C1orf94: variants seen among roughly 807,000 people sequenced by gnomAD.
C1orf94 encodes the protein chromosome 1 open reading frame 94.
A neutral mutation model predicts 53.6 loss-of-function variants in C1orf94; 45 were observed. That is an observed-to-expected ratio of 0.84 (90% CI 0.66 to 1.08). C1orf94 has a LOEUF of 1.08. Ranked by LOEUF, C1orf94 falls within the 50% of genes least tolerant of loss-of-function variation. C1orf94 has a pLI of 0.00. For synonymous variants in C1orf94, 304 were observed against 296.1 expected, an observed-to-expected ratio of 1.03 and a Z score of -0.27; for missense variants, 762 against 738.9, an observed-to-expected ratio of 1.03 and a Z score of -0.36.
intron 1 of C1orf94, among the ~76,000 whole-genome samples, chr1:34,185,620 G>A (rs1642373599): frequency 6.6e-6 from 1 of 152,164 alleles, no homozygotes; most frequent in African/African-American, 2.4e-5. Flanking sequence ...ACACGTCCTG[G>A]CAGTCCCCCT....
chr1:34,175,590 A>G (rs1284212902), upstream of C1orf94, among the ~76,000 whole-genome samples: 1 of 152,138 alleles, frequency 6.6e-6, no homozygotes, highest in Non-Finnish European at 1.5e-5. Context: ...TTTAGAGTAA[A>G]CATTTCCAGG....
intron 1 of C1orf94, among the ~76,000 whole-genome samples, chr1:34,193,393 G>A (rs1642530154): frequency 1.3e-5 from 2 of 152,194 alleles, no homozygotes; most frequent in Admixed American, 1.3e-4. Flanking sequence ...GTCAGGGACA[G>A]CTAATGCCAC....
Position 34,208,148 on chromosome 1 carries a change from T to C in C1orf94, c.1447-9T>C. On this transcript the variant is annotated splice_polypyrimidine_tract_variant and intron_variant, in intron 4 of 6. Coordinates refer to ENST00000488417, the MANE Select transcript of C1orf94 (RefSeq NM_001134734.2). Reference sequence around the variant, plus strand: ...TGCCTGGCCATACTGAGCCTCTGTTTCTCCCCAGGGCCTGTACCCACAGCA... The same window carrying C: ...TGCCTGGCCATACTGAGCCTCTGTTCCTCCCCAGGGCCTGTACCCACAGCA... 1 of 1,613,856 alleles carries C rather than the reference T, an allele frequency of 6.2e-7. No homozygotes were observed. The highest frequency in any genetic ancestry group is 1.1e-5 in the South Asian group (1 of 91,002).
Position 34,197,440 on chromosome 1 carries a change from T to C in C1orf94, c.536T>C (p.Ile179Thr). Residue 179 changes from isoleucine (I) to threonine (T), a missense_variant, in exon 2 of 7, where the codon ATT becomes ACT. Transcript: ENST00000488417. This position sits in a 1 kb window ranked among gnomAD's most constrained non-coding sequence, Gnocchi z 4.1. ...GSNERPRASI[I>T]VGDKLLKQKV... ...AATGAGCGCCCCAGAGCCTCCATCATTGTCGGAGACAAGCTTCTGAAGCAG... is the reference window on the plus strand; with the variant it reads ...AATGAGCGCCCCAGAGCCTCCATCACTGTCGGAGACAAGCTTCTGAAGCAG... 3 of 1,613,984 alleles carry C rather than the reference T, an allele frequency of 1.9e-6. No homozygotes were observed. Among genetic ancestry groups the C allele is most frequent in the Non-Finnish European group, 8.5e-7 (1 of 1,179,906 alleles).
At chr1:34,196,766 C>A (rs139831277) in intron 1 of C1orf94, among the ~76,000 whole-genome samples, 1 of 152,290 alleles carries the variant, frequency 6.6e-6, no homozygotes. Flanking sequence ...GGGGGCTGCG[C>A]TACTCTCCTG....
rs149179492 is a variant in C1orf94 at position 34,209,340 on chromosome 1, A to G, written c.1524+1106A>G. On this transcript the variant is annotated intron_variant, in intron 5 of 6. Coordinates refer to ENST00000488417, the MANE Select transcript of C1orf94 (RefSeq NM_001134734.2). Reference sequence around the variant, plus strand: ...CACACATGCAGACAGAAACACAGGTATAGTTGTACACATGCCACCAAGCTG... The same window carrying G: ...CACACATGCAGACAGAAACACAGGTGTAGTTGTACACATGCCACCAAGCTG... Among the ~76,000 whole-genome samples, 773 of 151,052 alleles carry G rather than the reference A, an allele frequency of 5.1e-3. 4 individuals carry two copies. Among genetic ancestry groups the G allele is most frequent in the African/African-American group, 0.018 (732 of 41,172 alleles).
intron 1 of C1orf94, among the ~76,000 whole-genome samples, chr1:34,188,739 G>T (rs1474130193): frequency 6.6e-6 from 1 of 152,156 alleles, no homozygotes; most frequent in Admixed American, 6.5e-5. Flanking sequence ...AGGAGGGCTG[G>T]GGGTGGGGAG....
At chr1:34,185,141 A>G (rs1642366625) in intron 1 of C1orf94, among the ~76,000 whole-genome samples, 1 of 151,956 alleles carries the variant, frequency 6.6e-6, no homozygotes, top group South Asian at 2.1e-4. Context: ...CCAACCCTTA[A>G]GCAAGTGTCT....
intron 1 of C1orf94, among the ~76,000 whole-genome samples, chr1:34,180,534 T>C (rs919374877): frequency 6.6e-6 from 1 of 152,248 alleles, no homozygotes; most frequent in African/African-American, 2.4e-5. Context: ...CCCAAGCTCC[T>C]ACAGTTAGGA....
chr1:34,174,278 G>A (rs1642188815), upstream of C1orf94, among the ~76,000 whole-genome samples: 1 of 152,222 alleles, frequency 6.6e-6, no homozygotes, highest in African/African-American at 2.4e-5. Flanking sequence ...TAATCAACAA[G>A]CAAACAACTG....
At chr1:34,193,103 A>G (rs1642520112) in intron 1 of C1orf94, among the ~76,000 whole-genome samples, 1 of 152,154 alleles carries the variant, frequency 6.6e-6, no homozygotes, top group African/African-American at 2.4e-5. Context: ...GCGTGGTGGA[A>G]GGAGACCCTG....
intron 6 of C1orf94, 50 bp from the exon 7 acceptor site, chr1:34,218,636 C>A: frequency 7.0e-7 from 1 of 1,428,670 alleles, no homozygotes. Context: ...CTAATTCTCT[C>A]CGATAACATT....
chr1:34,175,190 A>ATTTTT (rs10608833), upstream of C1orf94, among the ~76,000 whole-genome samples: 1 of 133,210 alleles, frequency 7.5e-6, no homozygotes, highest in South Asian at 2.5e-4. Context: ...GCTGTATTTG[A>ATTTTT]TTTTTTTTTT....
chr1:34,177,182 C>T lies in C1orf94; in HGVS notation c.-608C>T, dbSNP rs1642240579. 6.6e-6 allele frequency among the ~76,000 whole-genome samples: 1 copy of T among 151,996 alleles called. No individual in the cohort carries two copies. Among genetic ancestry groups the T allele is most frequent in the Admixed American group, 6.6e-5 (1 of 15,256 alleles). On this transcript the variant is annotated 5_prime_UTR_variant, in exon 1 of 7. Transcript: ENST00000488417. The stretch of plus-strand genomic sequence containing the variant: ...CTTTCCGGGGGCAGCAGAGCAGCAG[C>T]GGGAGACCGGGAGCAGGAGGGGTAG...
rs74063753 is a variant in C1orf94, at chr1:34,192,283, A to G, written c.321-4942A>G. Among the ~76,000 whole-genome samples, 415 of 152,316 alleles carry G rather than the reference A, an allele frequency of 2.7e-3. 2 individuals carry two copies. Among genetic ancestry groups the G allele is most frequent in the Middle Eastern group, 0.01 (3 of 294 alleles). ...GCCCCAAGGTGATTACTCAAGGTCA[A>G]TGCGGGTTCTGTGTGGGGTCTGCCA... is the stretch of plus-strand genomic sequence containing the variant. On this transcript the variant is annotated intron_variant, in intron 1 of 6. Transcript: ENST00000488417.
At chr1:34,179,124 AAGAAAAGCAAAG>A in intron 1 of C1orf94, among the ~76,000 whole-genome samples, 1 of 151,556 alleles carries the variant, frequency 6.6e-6, no homozygotes, top group East Asian at 1.9e-4. Context: ...AAGAGCTAAG[AAGAAAAGCAAAG>A]TGTAAATGAC....
rs1171771048 is a variant in C1orf94, at chr1:34,215,625, T to C, written c.1722-3061T>C. Among the ~76,000 whole-genome samples the C allele has an allele frequency of 2.6e-5, 4 of 152,160 alleles. No homozygotes were observed. In the East Asian group the frequency reaches 7.7e-4, roughly 29 times the overall value. ...TAGAATTGGTGGGACGTGATGATGGTTGAATGTGTGATGAGGGAAAGGGAA... is the reference window on the plus strand; with the variant it reads ...TAGAATTGGTGGGACGTGATGATGGCTGAATGTGTGATGAGGGAAAGGGAA... On this transcript the variant is annotated intron_variant, in intron 6 of 6. Coordinates refer to ENST00000488417, the MANE Select transcript of C1orf94 (RefSeq NM_001134734.2).
chr1:34,211,172 G>A (rs995626923), intron 5 of C1orf94, among the ~76,000 whole-genome samples: 1 of 152,170 alleles, frequency 6.6e-6, no homozygotes, highest in Non-Finnish European at 1.5e-5. Flanking sequence ...GTAGTGGAAT[G>A]TAGTGCTCAT....
chr1:34,182,303 A>G (rs573699162), intron 1 of C1orf94, among the ~76,000 whole-genome samples: 2 of 152,298 alleles, frequency 1.3e-5, no homozygotes, highest in Admixed American at 1.3e-4. Flanking sequence ...TGGCCATGGT[A>G]TAAGTATAAC....
Sources: gnomAD v4.1 joint callset for allele counts (sites outside exome capture counted in the v4.1 genomes callset) on GRCh38, gnomAD v4.1.1 for gene constraint, Gnocchi (gnomAD v3.1) non-coding constraint, MANE v1.5 for transcripts, NCBI Gene and HGNC (gene_info 2026-07-23, HGNC 2026-07-21) for gene names.